Variants in FRMD3 observed in about 807,000 individuals in gnomAD.
FRMD3 encodes the protein FERM domain-containing protein 3.
A neutral mutation model predicts 70.2 loss-of-function variants in FRMD3; 33 were observed. That is an observed-to-expected ratio of 0.47 (90% CI 0.36 to 0.63). The LOEUF (loss-of-function observed/expected upper bound fraction) is 0.63. Ranked by LOEUF, FRMD3 falls within the 20% of genes least tolerant of loss-of-function variation. The pLI is 0.00. For synonymous variants in FRMD3, 279 were observed against 255.9 expected, an observed-to-expected ratio of 1.09 and a Z score of -0.86; for missense variants, 632 against 711.4, an observed-to-expected ratio of 0.89 and a Z score of 1.27.
chr9:83,547,023 C>T, the FRMD3 span, among the ~76,000 whole-genome samples: 3 of 150,462 alleles, frequency 2.0e-5, no homozygotes, highest in East Asian at 5.8e-4. Context: ...TGGAAAAAGA[C>T]ATTCTGTGCA....
chr9:83,399,739 TAATTGTTAAAAAGAAATA>T (rs1283451411), intron 1 of FRMD3, among the ~76,000 whole-genome samples: 1 of 152,220 alleles, frequency 6.6e-6, no homozygotes, highest in Non-Finnish European at 1.5e-5. Flanking sequence ...CCACATTTTT[TAATTGTTAAAAAGAAATA>T]AATAACTTCC....
At chr9:83,300,332 C>T (rs1455488868) in intron 10 of FRMD3, among the ~76,000 whole-genome samples, 4 of 152,120 alleles carry the variant, frequency 2.6e-5, no homozygotes, top group Admixed American at 6.5e-5. Flanking sequence ...AACCAGGGCA[C>T]GGTGCAAGTG....
At chr9:83,397,751 C>T (rs1825846317) in intron 1 of FRMD3, among the ~76,000 whole-genome samples, 1 of 152,134 alleles carries the variant, frequency 6.6e-6, no homozygotes. Context: ...AAGGGACAGC[C>T]TTCATAAATG....
At chr9:83,493,867 C>T (rs796712592) in intron 1 of FRMD3, among the ~76,000 whole-genome samples, 22 of 152,338 alleles carry the variant, frequency 1.4e-4, no homozygotes, top group African/African-American at 4.8e-4. Context: ...CCTCCCCATC[C>T]CCTCCTGGCC....
At chr9:83,244,531 C>A, downstream of FRMD3, 1 of 285,738 alleles carries the variant, frequency 3.5e-6, no homozygotes, top group Non-Finnish European at 5.2e-6. Flanking sequence ...ATGTTGACCT[C>A]ATTTCATGGT....
chr9:83,320,973 T>A (rs4111396), intron 6 of FRMD3, among the ~76,000 whole-genome samples: 12,862 of 152,220 alleles, frequency 0.084, 673 homozygotes, highest in East Asian at 0.23. Flanking sequence ...TTTGTGAGTA[T>A]ATAGCTGTTC....
At chr9:83,438,580 A>C (rs1827206373) in intron 1 of FRMD3, among the ~76,000 whole-genome samples, 1 of 152,094 alleles carries the variant, frequency 6.6e-6, no homozygotes. Flanking sequence ...TTGTATTTTT[A>C]GTAGAGACAG....
chr9:83,545,362 T>TG, the FRMD3 span, among the ~76,000 whole-genome samples: 18 of 145,732 alleles, frequency 1.2e-4, no homozygotes, highest in Non-Finnish European at 2.3e-4. Flanking sequence ...TTTTGTTTTT[T>TG]TTTTTTTTTT....
intron 13 of FRMD3, among the ~76,000 whole-genome samples, chr9:83,273,052 G>C (rs1487762703): frequency 6.8e-4 from 3 of 4,384 alleles, no homozygotes; most frequent in African/African-American, 8.3e-3. Context: ...CCGGGAGGTG[G>C]GGGGGGGCGC....
At chr9:83,283,271 C>G (rs1354475362) in intron 13 of FRMD3, among the ~76,000 whole-genome samples, 1 of 152,076 alleles carries the variant, frequency 6.6e-6, no homozygotes, top group Non-Finnish European at 1.5e-5. Context: ...TGGTTCACGC[C>G]TGTAATCCCA....
intron 1 of FRMD3, among the ~76,000 whole-genome samples, chr9:83,492,550 C>T (rs1018947289): frequency 9.9e-5 from 15 of 152,164 alleles, no homozygotes; most frequent in East Asian, 3.9e-4. Context: ...GCAGGAGGAA[C>T]GGGGGAGCAG....
At chr9:83,523,160 A>C (rs1829614955) in intron 1 of FRMD3, among the ~76,000 whole-genome samples, 1 of 136,064 alleles carries the variant, frequency 7.3e-6, no homozygotes, top group African/African-American at 2.6e-5. Context: ...TGGAGGATGG[A>C]TGGATGGATG....
At chr9:83,323,526 A>G (rs1835889639) in intron 6 of FRMD3, among the ~76,000 whole-genome samples, 1 of 152,194 alleles carries the variant, frequency 6.6e-6, no homozygotes, top group African/African-American at 2.4e-5. Context: ...CTTCATGAAT[A>G]TATTCAGTTT....
rs372035498 is a variant in FRMD3, at chr9:83,389,595, A to G, written c.252+9T>C. 5 of 1,592,602 alleles carry G rather than the reference A, an allele frequency of 3.1e-6. No homozygotes were observed. In the African/African-American group the frequency reaches 5.4e-5, roughly 17 times the overall value. On this transcript the variant is annotated intron_variant, in intron 2 of 13. Coordinates refer to ENST00000304195, the MANE Select transcript of FRMD3 (RefSeq NM_174938.6). ...CTGAAAATGGCTCCAGATAGAAATC[A>G]GCTCTTACCCTTTGCTTCTCTGGGT...
intron 1 of FRMD3, among the ~76,000 whole-genome samples, chr9:83,497,107 T>A (rs1286201329): frequency 6.6e-6 from 1 of 152,144 alleles, no homozygotes; most frequent in Non-Finnish European, 1.5e-5. Context: ...AGAGTGAAAC[T>A]GTGTCTCAAA....
At chr9:83,442,648 G>C (rs959284920) in intron 1 of FRMD3, among the ~76,000 whole-genome samples, 3 of 152,002 alleles carry the variant, frequency 2.0e-5, no homozygotes, top group Middle Eastern at 3.4e-3. Flanking sequence ...TCAGTGGAGG[G>C]GGGGTACATT....
intron 1 of FRMD3, among the ~76,000 whole-genome samples, chr9:83,536,663 C>A (rs1326775756): frequency 6.6e-6 from 1 of 152,100 alleles, no homozygotes; most frequent in African/African-American, 2.4e-5. Context: ...CAAGCTCCCC[C>A]AGAAAATTCA....
Position 83,331,091 on chromosome 9 carries a change from A to C in FRMD3, c.596+4425T>G, listed in dbSNP as rs560547453. 5.9e-5 allele frequency among the ~76,000 whole-genome samples: 9 copies of C among 152,334 alleles called. No individual in the cohort carries two copies. The South Asian group carries it at 1.9e-3, about 32-fold the overall frequency. On this transcript the variant is annotated intron_variant, in intron 6 of 13. Coordinates refer to ENST00000304195, the MANE Select transcript of FRMD3 (RefSeq NM_174938.6). Reference sequence around the variant, plus strand: ...ACTCTTACCATATGATAGAGCAATCATGGTGTTTGGTATTTACCCAAATGA... The same window carrying C: ...ACTCTTACCATATGATAGAGCAATCCTGGTGTTTGGTATTTACCCAAATGA...
chr9:83,510,943 A>C (rs1483149711), intron 1 of FRMD3, among the ~76,000 whole-genome samples: 1 of 152,216 alleles, frequency 6.6e-6, no homozygotes, highest in South Asian at 2.1e-4. Context: ...GACTGTGTTG[A>C]TGGATACACA....
Sources: allele counts gnomAD v4.1 joint callset (sites outside exome capture counted in the v4.1 genomes callset), GRCh38; gene constraint gnomAD v4.1.1; transcripts MANE v1.5; gene names NCBI Gene and HGNC (gene_info 2026-07-23, HGNC 2026-07-21).